The following TENM2 variants were observed in gnomAD, a reference collection of about 807,000 sequenced individuals.
The protein encoded by TENM2 is teneurin-2.
TENM2 carries 52 observed loss-of-function variants against 245.2 expected under a neutral mutation model. That is an observed-to-expected ratio of 0.21 (90% CI 0.17 to 0.27). TENM2 has a LOEUF of 0.27. Among genes scored for constraint, TENM2 ranks in the 10% least tolerant of loss-of-function variants. The pLI is 1.00. For missense variants in TENM2, 3,046 were observed against 3,666.8 expected, an observed-to-expected ratio of 0.83 and a Z score of 4.37; for synonymous variants, 1,363 against 1,438.9, an observed-to-expected ratio of 0.95 and a Z score of 1.19.
chr5:167,304,930 A>G (rs1055798678), intron 1 of TENM2, among the ~76,000 whole-genome samples: 5 of 152,184 alleles, frequency 3.3e-5, no homozygotes, highest in East Asian at 1.9e-4. Flanking sequence ...TCATCTTTCT[A>G]TCTCCCTTAG....
At chr5:167,238,617 A>G in the TENM2 span, among the ~76,000 whole-genome samples, 4 of 148,956 alleles carry the variant, frequency 2.7e-5, no homozygotes, top group East Asian at 8.1e-4. Flanking sequence ...CACAGAGCAC[A>G]TGTGCTTTTA....
chr5:167,257,116 G>A, the TENM2 span, among the ~76,000 whole-genome samples: 5 of 152,022 alleles, frequency 3.3e-5, no homozygotes, highest in Admixed American at 6.6e-5. Context: ...CAAGCTTATA[G>A]ATCAAGATTT....
intron 12 of TENM2, among the ~76,000 whole-genome samples, chr5:168,140,280 A>G (rs1755426085): frequency 6.6e-6 from 1 of 152,208 alleles, no homozygotes; most frequent in South Asian, 2.1e-4. Context: ...CCCCAAACAC[A>G]ATGAGCAACA....
At chr5:167,684,906 G>A (rs1163105056) in intron 2 of TENM2, among the ~76,000 whole-genome samples, 2 of 152,180 alleles carry the variant, frequency 1.3e-5, no homozygotes. Flanking sequence ...GAAGCCGTGA[G>A]CCTAAAGGTA....
chr5:167,777,554 C>A (rs1050799086), intron 2 of TENM2, among the ~76,000 whole-genome samples: 1 of 152,100 alleles, frequency 6.6e-6, no homozygotes, highest in Non-Finnish European at 1.5e-5. Flanking sequence ...AGCCCTGGCA[C>A]GTTTTACATG....
chr5:167,663,173 AG>A (rs1561650021), intron 2 of TENM2, among the ~76,000 whole-genome samples: 34 of 151,382 alleles, frequency 2.2e-4, no homozygotes, highest in African/African-American at 7.8e-4. Flanking sequence ...AGAGAGAGAG[AG>A]AGAGAGAGAG....
intron 2 of TENM2, among the ~76,000 whole-genome samples, chr5:167,743,697 A>C (rs1367981988): frequency 6.6e-6 from 1 of 152,198 alleles, no homozygotes; most frequent in Non-Finnish European, 1.5e-5. Context: ...TCTTATTGAC[A>C]AGACAAAAGA....
intron 2 of TENM2, among the ~76,000 whole-genome samples, chr5:167,470,465 T>TTTTTTTTTG (rs1766949774): frequency 6.8e-6 from 1 of 146,688 alleles, no homozygotes; most frequent in African/African-American, 2.5e-5. Context: ...TTTTTTTTTT[T>TTTTTTTTTG]TTTTTTTTTT....
intron 2 of TENM2, among the ~76,000 whole-genome samples, chr5:167,746,706 A>AGC (rs1200291101): frequency 2.8e-5 from 4 of 142,490 alleles, no homozygotes; most frequent in African/African-American, 7.6e-5. Context: ...AGAGAGAGAG[A>AGC]GAGAGAGAGC....
At chr5:167,513,741 T>C (rs573770095) in intron 2 of TENM2, among the ~76,000 whole-genome samples, 8 of 152,328 alleles carry the variant, frequency 5.3e-5, no homozygotes, top group South Asian at 4.1e-4. Context: ...GCAGAAGCTT[T>C]CCTGTTTCTC....
At chr5:167,603,103 G>T (rs1776755939) in intron 2 of TENM2, among the ~76,000 whole-genome samples, 1 of 152,120 alleles carries the variant, frequency 6.6e-6, no homozygotes, top group African/African-American at 2.4e-5. Context: ...AAGAGAAAAA[G>T]TGGTGTGAGA....
chr5:167,227,277 A>C, the TENM2 span, among the ~76,000 whole-genome samples: 1 of 151,700 alleles, frequency 6.6e-6, no homozygotes, highest in South Asian at 2.1e-4. Context: ...TTAGTTTGTT[A>C]TAGTAGTTTG....
chr5:168,105,727 A>G (rs760278598), intron 9 of TENM2, among the ~76,000 whole-genome samples: 4 of 152,104 alleles, frequency 2.6e-5, no homozygotes, highest in Non-Finnish European at 5.9e-5. Context: ...TTTCCTGGCA[A>G]TTTGTAACAT....
intron 2 of TENM2, among the ~76,000 whole-genome samples, chr5:167,665,696 A>G (rs1642919934): frequency 6.6e-6 from 1 of 152,044 alleles, no homozygotes; most frequent in East Asian, 1.9e-4. Flanking sequence ...CAATTATTTT[A>G]TTTTTGCCAA....
chr5:167,240,936 AGT>A, the TENM2 span, among the ~76,000 whole-genome samples: 4 of 152,220 alleles, frequency 2.6e-5, no homozygotes, highest in African/African-American at 9.6e-5. Flanking sequence ...GAGTAGCCAC[AGT>A]GTCTATAAAA....
At chr5:167,992,896 C>A in intron 4 of TENM2, 48 bp from the exon 7 acceptor site, 1 of 1,459,820 alleles carries the variant, frequency 6.9e-7, no homozygotes, top group Non-Finnish European at 9.6e-7. Flanking sequence ...CTAAATGTTG[C>A]TCCTTGGCTA....
chr5:167,710,351 A>G (rs868118083), intron 2 of TENM2, among the ~76,000 whole-genome samples: 3 of 152,168 alleles, frequency 2.0e-5, no homozygotes, highest in Admixed American at 6.5e-5. Flanking sequence ...CATGGGGGAA[A>G]AAAACAACAA....
the TENM2 span, among the ~76,000 whole-genome samples, chr5:167,176,052 GC>G: frequency 6.6e-6 from 1 of 152,194 alleles, no homozygotes; most frequent in South Asian, 2.1e-4. Context: ...CCACGAAGTT[GC>G]CAGGTTACTT....
the TENM2 span, among the ~76,000 whole-genome samples, chr5:167,159,052 A>G: frequency 6.6e-6 from 1 of 150,890 alleles, no homozygotes; most frequent in South Asian, 2.1e-4. Context: ...TCCTGGGTTC[A>G]AGAAATTCTA....
Sources: gnomAD v4.1 joint callset for allele counts (sites outside exome capture counted in the v4.1 genomes callset) on GRCh38, gnomAD v4.1.1 for gene constraint, MANE v1.5 for transcripts, NCBI Gene and HGNC (gene_info 2026-07-23, HGNC 2026-07-21) for gene names.